The following ACTL8 variants were observed in gnomAD, a reference collection of about 807,000 sequenced individuals.
ACTL8 encodes the protein actin like 8, also known as actin-like protein 8.
In ACTL8, 3 loss-of-function variants were observed where a neutral mutation model predicts 9.3. The ratio of observed to expected loss-of-function variants is 0.32; its 90% CI spans 0.15 to 0.83. The LOEUF (loss-of-function observed/expected upper bound fraction) is 0.83. Among genes scored for constraint, ACTL8 ranks in the 40% least tolerant of loss-of-function variants. The pLI, the probability that ACTL8 is intolerant of heterozygous loss-of-function variation, is 0.57. For synonymous variants in ACTL8, 224 were observed against 205.9 expected, an observed-to-expected ratio of 1.09 and a Z score of -0.75; for missense variants, 381 against 492.2, an observed-to-expected ratio of 0.77 and a Z score of 2.14.
intron 1 of ACTL8, among the ~76,000 whole-genome samples, chr1:17,769,027 C>T (rs897274241): frequency 2.0e-5 from 3 of 152,078 alleles, no homozygotes; most frequent in South Asian, 2.1e-4. Context: ...GATGAAGAGA[C>T]GGGGGGTCAG....
At chr1:17,783,095 A>T (rs974068801) in intron 1 of ACTL8, among the ~76,000 whole-genome samples, 4 of 152,232 alleles carry the variant, frequency 2.6e-5, no homozygotes, top group Admixed American at 6.5e-5. Flanking sequence ...CAGTTTATGG[A>T]TGAGGGAACA....
intron 1 of ACTL8, among the ~76,000 whole-genome samples, chr1:17,761,823 G>A (rs1038438880): frequency 1.3e-5 from 2 of 152,058 alleles, no homozygotes; most frequent in Non-Finnish European, 2.9e-5. Context: ...CGCCCTCCTC[G>A]GCCTCTCAAA....
chr1:17,800,411 GTTGGATT>G (rs1383981994), intron 1 of ACTL8, among the ~76,000 whole-genome samples: 3 of 152,032 alleles, frequency 2.0e-5, no homozygotes, highest in African/African-American at 7.2e-5. Context: ...TTCAGATTCT[GTTGGATT>G]TTTTCTATAG....
chr1:17,789,099 A>G (rs1176054385), intron 1 of ACTL8, among the ~76,000 whole-genome samples: 1 of 152,242 alleles, frequency 6.6e-6, no homozygotes, highest in Non-Finnish European at 1.5e-5. Context: ...ACATAATATT[A>G]AGAAGGCAGT....
chr1:17,773,217 G>C (rs894146570), intron 1 of ACTL8, among the ~76,000 whole-genome samples: 5 of 152,182 alleles, frequency 3.3e-5, no homozygotes, highest in African/African-American at 9.6e-5. Context: ...AGTAGCTCCT[G>C]GCTGCCGGCT....
chr1:17,813,815 A>G (rs1391297849), intron 1 of ACTL8, among the ~76,000 whole-genome samples: 1 of 152,222 alleles, frequency 6.6e-6, no homozygotes, highest in East Asian at 1.9e-4. Flanking sequence ...CTATTTAAAT[A>G]TATATTTCTT....
At chr1:17,810,746 A>G (rs1297087143) in intron 1 of ACTL8, among the ~76,000 whole-genome samples, 1 of 152,238 alleles carries the variant, frequency 6.6e-6, no homozygotes. Context: ...TGAATATCAT[A>G]TAATTGGGAA....
intron 1 of ACTL8, among the ~76,000 whole-genome samples, chr1:17,763,582 G>C (rs1049555736): frequency 9.2e-5 from 14 of 152,146 alleles, no homozygotes; most frequent in African/African-American, 2.9e-4. Flanking sequence ...GAGGGCTGCA[G>C]ATCCCCCTGC....
chr1:17,764,619 C>G (rs2066031451), intron 1 of ACTL8, among the ~76,000 whole-genome samples: 1 of 152,124 alleles, frequency 6.6e-6, no homozygotes, highest in Non-Finnish European at 1.5e-5. Flanking sequence ...TTGGGTTCAG[C>G]CTCGTCCTCC....
rs1403401115 is a variant in ACTL8 at position 17,825,886 on chromosome 1, C to T, written c.468C>T (p.Arg156=). The part of the protein sequence containing the change: ...VVVDSGYGLT[R]VQPFHQGRPL... ...TTGATTCTGGCTATGGCCTGACCCGCGTGCAGCCTTTCCACCAGGGCCGCC... is the reference window on the plus strand; with the variant it reads ...TTGATTCTGGCTATGGCCTGACCCGTGTGCAGCCTTTCCACCAGGGCCGCC... The change falls in exon 3 of 3, where the codon CGC becomes CGT. Residue 156 remains arginine (R), a synonymous_variant. Coordinates refer to ENST00000375406, the MANE Select transcript of ACTL8 (RefSeq NM_030812.3). The T allele has an allele frequency of 3.1e-6, 5 of 1,613,624 alleles. No individual in the cohort carries two copies. Among genetic ancestry groups the T allele is most frequent in the Admixed American group, 1.7e-5 (1 of 60,008 alleles).
chr1:17,770,986 C>A (rs1261987375), intron 1 of ACTL8, among the ~76,000 whole-genome samples: 1 of 152,158 alleles, frequency 6.6e-6, no homozygotes, highest in African/African-American at 2.4e-5. Context: ...TCTAAGAACT[C>A]ATCTGTAATG....
At chr1:17,802,415 CTGTG>C (rs1186722136) in intron 1 of ACTL8, among the ~76,000 whole-genome samples, 1 of 136,476 alleles carries the variant, frequency 7.3e-6, no homozygotes, top group South Asian at 2.2e-4. Flanking sequence ...TCCCGGATGA[CTGTG>C]CGTGCGTGTG....
chr1:17,780,027 G>A (rs1423677596), intron 1 of ACTL8, among the ~76,000 whole-genome samples: 2 of 151,880 alleles, frequency 1.3e-5, no homozygotes, highest in Non-Finnish European at 2.9e-5. Flanking sequence ...GGCAACATAG[G>A]GAGACCCTTT....
intron 1 of ACTL8, among the ~76,000 whole-genome samples, chr1:17,775,638 C>T (rs1455770559): frequency 1.3e-5 from 2 of 152,244 alleles, no homozygotes; most frequent in Admixed American, 6.5e-5. Flanking sequence ...TTAAATCTAA[C>T]AGCCACGTCA....
At chr1:17,760,947 T>G (rs112714209) in intron 1 of ACTL8, among the ~76,000 whole-genome samples, 4 of 152,270 alleles carry the variant, frequency 2.6e-5, no homozygotes, top group African/African-American at 9.6e-5. Flanking sequence ...AGGGGGTAAG[T>G]GCCTCTAATT....
At chr1:17,815,685 G>C (rs1174152020) in intron 1 of ACTL8, among the ~76,000 whole-genome samples, 2 of 152,146 alleles carry the variant, frequency 1.3e-5, no homozygotes. Context: ...TGAGCTTCCT[G>C]GCTTTGTAGA....
At position 17,783,747 on chromosome 1, in the gene ACTL8, C is replaced by T. The variant is rs565306092; in HGVS notation, c.-25+28243C>T. On this transcript the variant is annotated intron_variant, in intron 1 of 2. Coordinates refer to ENST00000375406, the MANE Select transcript of ACTL8 (RefSeq NM_030812.3). ...TTCACTTTCATTCTAAGGAAGGGCT[C>T]CGTTTTCTGGGGAAAGCTTCTCTTA... 2.9e-4 allele frequency among the ~76,000 whole-genome samples: 44 copies of T among 152,330 alleles called. No homozygotes were observed. The Middle Eastern group carries it at 0.01, about 35-fold the overall frequency.
chr1:17,824,058 G>T (rs1396182969), intron 2 of ACTL8, among the ~76,000 whole-genome samples: 1 of 152,154 alleles, frequency 6.6e-6, no homozygotes, highest in Admixed American at 6.5e-5. Flanking sequence ...TGGGGGTGGG[G>T]AACCTGTTTG....
At chr1:17,784,466 C>T (rs1242857486) in intron 1 of ACTL8, among the ~76,000 whole-genome samples, 1 of 152,160 alleles carries the variant, frequency 6.6e-6, no homozygotes, top group African/African-American at 2.4e-5. Context: ...AAGCGAGTTC[C>T]ATTGTCCTCT....
Sources: gnomAD v4.1 joint callset for allele counts (sites outside exome capture counted in the v4.1 genomes callset) on GRCh38, gnomAD v4.1.1 for gene constraint, MANE v1.5 for transcripts, NCBI Gene and HGNC (gene_info 2026-07-23, HGNC 2026-07-21) for gene names.